The following SLX4IP variants were observed in gnomAD, a reference collection of about 807,000 sequenced individuals.
The protein encoded by SLX4IP is SLX4 interacting protein.
Under a neutral mutation model 32.9 loss-of-function variants are expected in SLX4IP, and 34 were observed. That is an observed-to-expected ratio of 1.03 (90% confidence interval 0.79 to 1.38). SLX4IP has a LOEUF of 1.38. Among genes scored for constraint, SLX4IP ranks in the 40% most tolerant of loss-of-function variants. The probability of loss-of-function intolerance (pLI) is 0.00; values close to 1 mark genes in which losing one functional copy is unlikely to be tolerated. For missense variants in SLX4IP, 444 were observed against 479.0 expected, an observed-to-expected ratio of 0.93 and a Z score of 0.68; for synonymous variants, 172 against 171.7, an observed-to-expected ratio of 1.00 and a Z score of -0.01.
At chr20:10,544,666 C>T (rs1168523035) in intron 2 of SLX4IP, among the ~76,000 whole-genome samples, 1 of 152,130 alleles carries the variant, frequency 6.6e-6, no homozygotes, top group Non-Finnish European at 1.5e-5. Flanking sequence ...GGATTACAGG[C>T]GTGAGCCACC....
At chr20:10,491,853 C>T (rs963210737) in intron 2 of SLX4IP, among the ~76,000 whole-genome samples, 2 of 152,084 alleles carry the variant, frequency 1.3e-5, no homozygotes, top group East Asian at 3.8e-4. Flanking sequence ...CCTCACTTAC[C>T]CCAGAAGTAA....
chr20:10,619,935 G>A (rs151243322), intron 6 of SLX4IP, among the ~76,000 whole-genome samples: 249 of 152,314 alleles, frequency 1.6e-3, no homozygotes, highest in African/African-American at 5.6e-3. Context: ...ACTCACTTGG[G>A]TTATAACCAG....
At position 10,487,283 on chromosome 20, in the gene SLX4IP, CTAAAGGCCTTA is replaced by C. The variant is rs145515268; in HGVS notation, c.27+29053_27+29063del. Among the ~76,000 whole-genome samples the C allele has an allele frequency of 2.0e-5, 3 of 152,254 alleles. No individual in the cohort carries two copies. In the East Asian group the frequency reaches 5.8e-4, roughly 29 times the overall value. On this transcript the variant is annotated intron_variant, in intron 2 of 7. Coordinates refer to ENST00000334534, the MANE Select transcript of SLX4IP (RefSeq NM_001009608.3). ...CCAAGGCCAGCTGTAGATCAGGATTCTAAAGGCCTTAATGGAAAAGGGTGGGTCATGTGTTT... is the reference window on the plus strand; with the variant it reads ...CCAAGGCCAGCTGTAGATCAGGATTCATGGAAAAGGGTGGGTCATGTGTTT...
At chr20:10,462,182 A>G (rs559821954) in intron 2 of SLX4IP, among the ~76,000 whole-genome samples, 37 of 152,226 alleles carry the variant, frequency 2.4e-4, no homozygotes, top group Non-Finnish European at 4.6e-4. Context: ...AAAATTGAGG[A>G]GAAAACCACA....
chr20:10,509,596 C>A (rs1177138122), intron 2 of SLX4IP, among the ~76,000 whole-genome samples: 1 of 152,140 alleles, frequency 6.6e-6, no homozygotes, highest in Admixed American at 6.5e-5. Context: ...AGCTGATTCA[C>A]TATGTGGACG....
At chr20:10,553,064 A>G (rs1162651356) in intron 2 of SLX4IP, among the ~76,000 whole-genome samples, 2 of 152,216 alleles carry the variant, frequency 1.3e-5, no homozygotes, top group Non-Finnish European at 2.9e-5. Context: ...TTCAGAGGCC[A>G]GTGAACTTGC....
chr20:10,549,314 AGCATGGGGCCCTACAGTG>A (rs1431360607), intron 2 of SLX4IP, among the ~76,000 whole-genome samples: 2 of 151,952 alleles, frequency 1.3e-5, no homozygotes, highest in African/African-American at 4.8e-5. Context: ...CTTGTGTTTC[AGCATGGGGCCCTACAGTG>A]GCATGGGGCC....
intron 2 of SLX4IP, among the ~76,000 whole-genome samples, chr20:10,514,654 G>C (rs1036859410): frequency 7.2e-5 from 11 of 152,218 alleles, no homozygotes; most frequent in Non-Finnish European, 1.6e-4. Context: ...TCTCTGTCAA[G>C]TTAACTTGTG....
chr20:10,579,061 G>T (rs530421909), intron 4 of SLX4IP, among the ~76,000 whole-genome samples: 1 of 152,150 alleles, frequency 6.6e-6, no homozygotes, highest in South Asian at 2.1e-4. Flanking sequence ...ATACCCAAAA[G>T]TTTTTAATTT....
At chr20:10,468,461 C>A (rs1429825177) in intron 2 of SLX4IP, among the ~76,000 whole-genome samples, 1 of 152,158 alleles carries the variant, frequency 6.6e-6, no homozygotes, top group Non-Finnish European at 1.5e-5. Flanking sequence ...TCCAGCTAGA[C>A]GTAAGGCATT....
chr20:10,458,354 T>A (rs6039947), intron 2 of SLX4IP, 123 bp downstream of exon 2: 437,422 of 728,182 alleles, frequency 0.6, 124,310 homozygotes, highest in Non-Finnish European at 0.65. Context: ...CTCTGCAAAA[T>A]TTTTTTTTTT....
intron 2 of SLX4IP, among the ~76,000 whole-genome samples, chr20:10,524,029 C>G (rs559736179): frequency 6.6e-6 from 1 of 152,220 alleles, no homozygotes. Context: ...AACGTAAGAG[C>G]CTTCCTGGCT....
At chr20:10,612,566 A>G (rs1240842181) in intron 6 of SLX4IP, among the ~76,000 whole-genome samples, 1 of 152,118 alleles carries the variant, frequency 6.6e-6, no homozygotes, top group Non-Finnish European at 1.5e-5. Flanking sequence ...TATTATTGAG[A>G]TGCAGTTTCG....
intron 2 of SLX4IP, among the ~76,000 whole-genome samples, chr20:10,536,780 T>G (rs1173973302): frequency 6.6e-6 from 1 of 152,252 alleles, no homozygotes; most frequent in Non-Finnish European, 1.5e-5. Context: ...ATGTTTGGTT[T>G]AAAATGTTGT....
intron 2 of SLX4IP, among the ~76,000 whole-genome samples, chr20:10,495,383 T>C (rs2065658220): frequency 6.6e-6 from 1 of 152,198 alleles, no homozygotes; most frequent in African/African-American, 2.4e-5. Flanking sequence ...ATAACCATTG[T>C]TGGAAATTTG....
chr20:10,456,046 A>T (rs1360356600), intron 1 of SLX4IP, among the ~76,000 whole-genome samples: 2 of 152,206 alleles, frequency 1.3e-5, no homozygotes, highest in African/African-American at 4.8e-5. Context: ...CTGACTTCAC[A>T]TGACAATCTG....
intron 4 of SLX4IP, among the ~76,000 whole-genome samples, chr20:10,572,245 C>T (rs1298187497): frequency 6.6e-6 from 1 of 152,352 alleles, no homozygotes; most frequent in East Asian, 1.9e-4. Flanking sequence ...TCAGAGGCCA[C>T]ATGAAAACTC....
intron 2 of SLX4IP, among the ~76,000 whole-genome samples, chr20:10,552,174 A>T (rs2066224338): frequency 6.6e-6 from 1 of 152,158 alleles, no homozygotes; most frequent in South Asian, 2.1e-4. Context: ...AGCCCAGTGC[A>T]TGCAATGTGA....
In SLX4IP at chr20:10,623,473, TTA is replaced by T; in HGVS notation, c.*95_*96del. The T allele has an allele frequency of 6.8e-7, 1 of 1,468,024 alleles. No individual in the cohort carries two copies. 90.9% of individuals were successfully genotyped at this position (1,468,024 alleles called of 1,614,324 possible). On this transcript the variant is annotated 3_prime_UTR_variant, in exon 8 of 8. Coordinates refer to ENST00000334534, the MANE Select transcript of SLX4IP (RefSeq NM_001009608.3). ...TATAGATGCCGGGATTTTAAAGGAA[TTA>T]ATTAGAATGACTAATTTAAATAGGA...
Sources: gnomAD v4.1 joint callset for allele counts (sites outside exome capture counted in the v4.1 genomes callset) on GRCh38, gnomAD v4.1.1 for gene constraint, MANE v1.5 for transcripts, NCBI Gene and HGNC (gene_info 2026-07-23, HGNC 2026-07-21) for gene names.